Variants in NOP58 observed in about 807,000 individuals in gnomAD.
NOP58 encodes the protein nucleolar protein 58.
A neutral mutation model predicts 71.2 loss-of-function variants in NOP58; 44 were observed. That is an observed-to-expected ratio of 0.62 (90% CI 0.49 to 0.79). The LOEUF is 0.79. Among genes scored for constraint, NOP58 ranks in the 30% least tolerant of loss-of-function variants. NOP58 has a pLI of 0.00. For missense variants in NOP58, 538 were observed against 620.2 expected (o/e 0.87, Z 1.41); for synonymous variants, 228 against 200.3 (o/e 1.14, Z -1.17).
Position 202,303,021 on chromosome 2 carries a change from T to G in NOP58, c.1503T>G (p.Leu501=). The change falls in exon 14 of 15, where the codon CTT becomes CTG. Residue 501 remains leucine (L), a synonymous_variant. Transcript: ENST00000264279. The part of the protein sequence containing the change: ...GKKKHIKEEP[L]SEEEPCTSTA... ...AGAAACACATTAAGGAAGAACCACTTTCTGAGGAAGAACCATGTACCAGCA... is the reference window on the plus strand; with the variant it reads ...AGAAACACATTAAGGAAGAACCACTGTCTGAGGAAGAACCATGTACCAGCA... The G allele has an allele frequency of 6.2e-7, 1 of 1,612,730 alleles. No individual in the cohort carries two copies. The highest frequency in any genetic ancestry group is 1.1e-5 in the South Asian group (1 of 90,940).
Position 202,287,689 on chromosome 2 carries a change from C to G in NOP58, c.464C>G (p.Ala155Gly). Residue 155 changes from alanine to glycine, a missense_variant, in exon 6 of 15, where the codon GCT becomes GGT. Ala to Gly is a moderately conservative substitution (Grantham distance 60, BLOSUM62 0). Coordinates refer to ENST00000264279, the MANE Select transcript of NOP58 (RefSeq NM_015934.5). ...TCTCGATATAGATTGAAGTTTAGCG[C>G]TGATAAAGTAGACACAATGATTGTT... ...SLSRYRLKFS[A>G]DKVDTMIVQA... 2 of 1,613,278 alleles carry G rather than the reference C, an allele frequency of 1.2e-6. No individual in the cohort carries two copies. Among genetic ancestry groups the G allele is most frequent in the Non-Finnish European group, 1.7e-6 (2 of 1,179,250 alleles).
At chr2:202,298,122 T>C (rs769741889) in intron 12 of NOP58, among the ~76,000 whole-genome samples, 11 of 152,198 alleles carry the variant, frequency 7.2e-5, no homozygotes, top group African/African-American at 2.4e-4. Flanking sequence ...CATTGTCTTA[T>C]GTACTTTTTT....
chr2:202,271,968 T>C (rs1485301684), intron 1 of NOP58, among the ~76,000 whole-genome samples: 4 of 152,108 alleles, frequency 2.6e-5, no homozygotes, highest in Admixed American at 6.6e-5. Context: ...AGCTAGTAAA[T>C]TTAAAACTAT....
chr2:202,287,122 C>T (rs959767122), intron 5 of NOP58, among the ~76,000 whole-genome samples: 27 of 135,062 alleles, frequency 2.0e-4, no homozygotes, highest in Non-Finnish European at 4.0e-4. Flanking sequence ...GGCTGGAGTA[C>T]AGTGGCACGT....
At chr2:202,288,563 A>G (rs2105848781) in intron 6 of NOP58, among the ~76,000 whole-genome samples, 1 of 152,124 alleles carries the variant, frequency 6.6e-6, no homozygotes, top group Non-Finnish European at 1.5e-5. Context: ...CACGCCTGTA[A>G]TCCCAACACT....
chr2:202,290,071 C>T (rs1688860167), intron 6 of NOP58, among the ~76,000 whole-genome samples: 1 of 152,110 alleles, frequency 6.6e-6, no homozygotes, highest in South Asian at 2.1e-4. Flanking sequence ...TCTTCTGCCT[C>T]AGCCCTCCAG....
intron 6 of NOP58, among the ~76,000 whole-genome samples, chr2:202,290,031 T>C (rs1336608945): frequency 1.3e-5 from 2 of 152,188 alleles, no homozygotes; most frequent in Non-Finnish European, 2.9e-5. Flanking sequence ...CTCGGCTCAC[T>C]ACAACCTCCA....
rs776085683 is a variant in NOP58, at chr2:202,303,431, G to T, written c.1585G>T (p.Asp529Tyr). ...AAAGAAAAAAAAGAGAGAGAACGAG[G>T]ATTAACAGAAAGGAATTACGATTAT... Reference protein sequence around the residue: ...KKKKKKRENED With the variant: ...KKKKKKRENEY Residue 529 changes from aspartate to tyrosine, a missense_variant, in exon 15 of 15, where the codon GAT becomes TAT. Physicochemically the swap from Asp to Tyr is radical, Grantham distance 160 (BLOSUM62 -3). Transcript: ENST00000264279. 1.2e-6 allele frequency: 2 copies of T among 1,610,298 alleles called. No individual in the cohort carries two copies. Among genetic ancestry groups the T allele is most frequent in the East Asian group, 2.2e-5 (1 of 44,814 alleles).
chr2:202,278,356 T>C (rs1224147580), intron 3 of NOP58: 6 of 467,322 alleles, frequency 1.3e-5, no homozygotes, highest in African/African-American at 4.0e-5. Context: ...TACAGCTCTC[T>C]CCTCATTTTA....
rs1422043645 is a variant in NOP58 at position 202,287,667 on chromosome 2, C to T, written c.442C>T (p.Arg148Ter). 3 of 1,611,382 alleles carry T rather than the reference C, an allele frequency of 1.9e-6. No homozygotes were observed. Among genetic ancestry groups the T allele is most frequent in the South Asian group, 1.1e-5 (1 of 90,970 alleles). The change falls in exon 6 of 15, where the codon CGA becomes TGA. Residue 148 changes from arginine (R) to a stop codon, truncating the protein, a stop_gained. Transcript: ENST00000264279. LOFTEE classifies it high-confidence loss of function. ...MCLGLAHSLS[R>*]YRLKFSADKV... Reference sequence around the variant, plus strand: ...TTTCCCCTTTCTTCCCAGCCTGTCTCGATATAGATTGAAGTTTAGCGCTGA... The same window carrying T: ...TTTCCCCTTTCTTCCCAGCCTGTCTTGATATAGATTGAAGTTTAGCGCTGA...
rs765105531 is a variant in NOP58, at chr2:202,275,226, A to C, written c.122+37A>C. ...TGAAATCAATAATTTAGCAGTTAAC[A>C]TTTAGGGCTTGTTTTATTTTTTACA... On this transcript the variant is annotated intron_variant, in intron 2 of 14. Transcript: ENST00000264279. 9.8e-6 allele frequency: 10 copies of C among 1,015,482 alleles called. No individual in the cohort carries two copies. The Admixed American group carries it at 1.1e-4, about 12-fold the overall frequency. The allele number at this position is 1,015,482 out of a possible 1,614,324, so 62.9% of individuals were successfully genotyped here. A position where few individuals can be genotyped will look rare whatever the true frequency, so the allele number is the denominator to read the frequency against.
At chr2:202,268,801 G>C (rs779057374) in intron 1 of NOP58, among the ~76,000 whole-genome samples, 28 of 151,672 alleles carry the variant, frequency 1.8e-4, no homozygotes, top group Non-Finnish European at 4.0e-4. Flanking sequence ...AGTAGTGACA[G>C]GGTTTCTCCA....
intron 13 of NOP58, 58 bp from the exon 14 acceptor site, chr2:202,302,863 A>G: frequency 6.6e-7 from 1 of 1,525,834 alleles, no homozygotes; most frequent in South Asian, 1.3e-5. Flanking sequence ...ACGTTTTTGG[A>G]AGGAATGAGA....
chr2:202,296,948 T>A (rs1689004765), intron 10 of NOP58, among the ~76,000 whole-genome samples: 1 of 152,100 alleles, frequency 6.6e-6, no homozygotes, highest in South Asian at 2.1e-4. Context: ...TTAGCCAGGA[T>A]GGTCTCGATC....
rs112118374 is a variant in NOP58, at chr2:202,282,247, G to A, written c.176-104G>A. 12 of 793,342 alleles carry A rather than the reference G, an allele frequency of 1.5e-5. No individual in the cohort carries two copies. The African/African-American group carries it at 1.9e-4, about 13-fold the overall frequency. The allele number at this position is 793,342 out of a possible 1,614,324, so 49.1% of individuals were successfully genotyped here. A position where few individuals can be genotyped will look rare whatever the true frequency, so the allele number is the denominator to read the frequency against. On this transcript the variant is annotated intron_variant, in intron 3 of 14. Coordinates refer to ENST00000264279, the MANE Select transcript of NOP58 (RefSeq NM_015934.5). ...ATTTCAGAAGTAACATTAAATTCAA[G>A]CCCTTTGAAAGGCCTATTTTATTTT...
intron 10 of NOP58, among the ~76,000 whole-genome samples, chr2:202,296,587 GTTT>G (rs1559266833): frequency 6.6e-6 from 1 of 152,146 alleles, no homozygotes; most frequent in Non-Finnish European, 1.5e-5. Flanking sequence ...TACTTTCAAT[GTTT>G]TTGAAAGATG....
intron 12 of NOP58, chr2:202,299,842 C>CTT (rs57184037): frequency 0.098 from 12,480 of 127,034 alleles, 711 homozygotes; most frequent in Non-Finnish European, 0.13. Flanking sequence ...TTTTGTTCTG[C>CTT]TTTTTTTTTT....
chr2:202,266,006 G>T lies in NOP58; in HGVS notation c.45+20G>T, dbSNP rs374760196. The stretch of plus-strand genomic sequence containing the variant: ...TTTAAGGTAGGTGGGAGAGCGAGCC[G>T]TTAAAGGGGGAAGGCGGATGCTGGA... On this transcript the variant is annotated intron_variant, in intron 1 of 14. Transcript: ENST00000264279. 8.1e-6 allele frequency: 13 copies of T among 1,613,530 alleles called. No homozygotes were observed. Among genetic ancestry groups the T allele is most frequent in the Non-Finnish European group, 1.1e-5 (13 of 1,179,586 alleles).
At chr2:202,272,735 A>ATT in intron 1 of NOP58, among the ~76,000 whole-genome samples, 1 of 152,358 alleles carries the variant, frequency 6.6e-6, no homozygotes, top group African/African-American at 2.4e-5. Context: ...TTAAGAGGAC[A>ATT]TGTATCAAAT....
Sources: gnomAD v4.1 joint callset for allele counts (sites outside exome capture counted in the v4.1 genomes callset) on GRCh38, gnomAD v4.1.1 for gene constraint, MANE v1.5 for transcripts, NCBI Gene and HGNC (gene_info 2026-07-23, HGNC 2026-07-21) for gene names.